The following RBMS3 variants were observed in gnomAD, a reference collection of about 807,000 sequenced individuals.
The protein encoded by RBMS3 is RNA-binding motif, single-stranded-interacting protein 3.
In RBMS3, 27 loss-of-function variants were observed where a neutral mutation model predicts 66.8. The observed-to-expected ratio is 0.40, with a 90% CI of 0.30 to 0.56. The LOEUF (loss-of-function observed/expected upper bound fraction) is 0.56. Ranked by LOEUF, RBMS3 falls within the 20% of genes least tolerant of loss-of-function variation. The pLI, the probability that RBMS3 is intolerant of heterozygous loss-of-function variation, is 0.40. For synonymous variants in RBMS3, 188 were observed against 183.0 expected (o/e 1.03, Z -0.22); for missense variants, 513 against 549.5 (o/e 0.93, Z 0.66).
chr3:29,582,038 C>T (rs576074799), intron 3 of RBMS3, among the ~76,000 whole-genome samples: 16 of 152,244 alleles, frequency 1.1e-4, no homozygotes, highest in African/African-American at 2.9e-4. Context: ...TGGATTGTCA[C>T]GCAGTGGTTC....
At chr3:29,963,358 G>A (rs1696609832) in intron 12 of RBMS3, among the ~76,000 whole-genome samples, 1 of 152,022 alleles carries the variant, frequency 6.6e-6, no homozygotes, top group African/African-American at 2.4e-5. Context: ...AATCTTCCCA[G>A]GTGATTACAA....
intron 5 of RBMS3, among the ~76,000 whole-genome samples, chr3:29,752,312 G>C (rs1307491117): frequency 6.6e-6 from 1 of 152,076 alleles, no homozygotes. Context: ...CCTGCCAGTG[G>C]AGCTTGGAGT....
At chr3:29,853,012 C>T (rs2058975797) in intron 6 of RBMS3, among the ~76,000 whole-genome samples, 1 of 152,138 alleles carries the variant, frequency 6.6e-6, no homozygotes, top group African/African-American at 2.4e-5. Flanking sequence ...TTTTCAGGAA[C>T]ATGGATGGAG....
intron 12 of RBMS3, among the ~76,000 whole-genome samples, chr3:29,967,984 T>C (rs1303368431): frequency 2.6e-5 from 4 of 152,226 alleles, no homozygotes; most frequent in African/African-American, 9.6e-5. Flanking sequence ...GCTCTGATCT[T>C]GGTTATTTTC....
At chr3:29,295,304 T>TATATATA (rs1491256197) in intron 1 of RBMS3, among the ~76,000 whole-genome samples, 5 of 4,032 alleles carry the variant, frequency 1.2e-3, no homozygotes, top group African/African-American at 4.0e-3. Flanking sequence ...TACATATATA[T>TATATATA]CTATATATAT....
intron 6 of RBMS3, among the ~76,000 whole-genome samples, chr3:29,847,221 G>T (rs1244699014): frequency 6.6e-6 from 1 of 152,092 alleles, no homozygotes; most frequent in African/African-American, 2.4e-5. Flanking sequence ...TGAGCAAGAG[G>T]TCTTCTTTTC....
At chr3:29,292,646 T>C (rs778713879) in intron 1 of RBMS3, among the ~76,000 whole-genome samples, 11 of 151,728 alleles carry the variant, frequency 7.2e-5, no homozygotes, top group African/African-American at 1.5e-4. Flanking sequence ...CTTTTAGTGA[T>C]GAGGCTGTCA....
At chr3:29,507,764 T>G (rs1416987519) in intron 3 of RBMS3, among the ~76,000 whole-genome samples, 1 of 152,086 alleles carries the variant, frequency 6.6e-6, no homozygotes, top group Non-Finnish European at 1.5e-5. Context: ...GTATCCATGA[T>G]CTGACCACAA....
intron 4 of RBMS3, among the ~76,000 whole-genome samples, chr3:29,736,523 G>T (rs1374651189): frequency 6.6e-6 from 1 of 152,028 alleles, no homozygotes; most frequent in Non-Finnish European, 1.5e-5. Context: ...TGAGACAATG[G>T]CGTAGACTGT....
intron 1 of RBMS3, chr3:29,391,051 G>T: frequency 2.6e-6 from 1 of 386,426 alleles, no homozygotes; most frequent in South Asian, 2.2e-5. Context: ...GGCCCTTTGT[G>T]CTGAACAGCA....
intron 1 of RBMS3, among the ~76,000 whole-genome samples, chr3:29,407,010 G>C (rs1241085610): frequency 6.6e-6 from 1 of 152,150 alleles, no homozygotes; most frequent in Non-Finnish European, 1.5e-5. Context: ...ATGAAACTTA[G>C]ATGCATGCTG....
chr3:29,960,443 A>AAC (rs1208390625), intron 12 of RBMS3, among the ~76,000 whole-genome samples: 1 of 152,168 alleles, frequency 6.6e-6, no homozygotes, highest in East Asian at 1.9e-4. Context: ...TTCCAGGTAC[A>AAC]CAGTGCAAGC....
intron 12 of RBMS3, 46 bp from the exon 13 acceptor site, chr3:29,988,097 G>A (rs1422983839): frequency 6.9e-7 from 1 of 1,455,246 alleles, no homozygotes; most frequent in Non-Finnish European, 9.6e-7. Context: ...TTTTCTCACT[G>A]GTTGCAGCTC....
intron 3 of RBMS3, among the ~76,000 whole-genome samples, chr3:29,512,513 T>G (rs2044453722): frequency 6.6e-6 from 1 of 152,204 alleles, no homozygotes; most frequent in African/African-American, 2.4e-5. Context: ...ACTTTAAGAT[T>G]TGATATCAGG....
At chr3:29,587,244 T>TGTGTG in intron 4 of RBMS3, 39 bp downstream of exon 4, 1 of 840,820 alleles carries the variant, frequency 1.2e-6, no homozygotes, top group Non-Finnish European at 1.7e-6. Context: ...TTTTTTTTTT[T>TGTGTG]TTTTTGTGTG....
At chr3:29,337,446 C>A (rs551184839) in intron 1 of RBMS3, among the ~76,000 whole-genome samples, 1 of 151,958 alleles carries the variant, frequency 6.6e-6, no homozygotes, top group South Asian at 2.1e-4. Flanking sequence ...GGCGACTAGC[C>A]TAGACAACAT....
At chr3:29,855,626 G>A (rs1434317817) in intron 6 of RBMS3, among the ~76,000 whole-genome samples, 1 of 152,154 alleles carries the variant, frequency 6.6e-6, no homozygotes, top group Admixed American at 6.5e-5. Flanking sequence ...AAGCCTTCCT[G>A]AGAGACTTAT....
intron 4 of RBMS3, among the ~76,000 whole-genome samples, chr3:29,624,909 T>TC (rs140387355): frequency 2.1e-3 from 322 of 152,248 alleles, no homozygotes; most frequent in African/African-American, 7.4e-3. Context: ...TGTCTCTGTG[T>TC]CCCCACCCAA....
chr3:29,830,269 A>G (rs1394186793), intron 6 of RBMS3, among the ~76,000 whole-genome samples: 1 of 152,132 alleles, frequency 6.6e-6, no homozygotes, highest in African/African-American at 2.4e-5. Flanking sequence ...GACTAAACAT[A>G]TCGGTGATCA....
Sources: allele counts gnomAD v4.1 joint callset (sites outside exome capture counted in the v4.1 genomes callset), GRCh38; gene constraint gnomAD v4.1.1; transcripts MANE v1.5; gene names NCBI Gene and HGNC (gene_info 2026-07-23, HGNC 2026-07-21).